Variants in PRKN observed in about 807,000 individuals in gnomAD.
PRKN encodes the protein parkin RBR E3 ubiquitin protein ligase, also known as E3 ubiquitin-protein ligase parkin.
Under a neutral mutation model 59.5 loss-of-function variants are expected in PRKN, and 56 were observed. The ratio of observed to expected loss-of-function variants is 0.94; its 90% CI spans 0.76 to 1.18. PRKN has a LOEUF of 1.18. Ranked by LOEUF, PRKN falls within the 50% of genes most tolerant of loss-of-function variation. PRKN has a pLI of 0.00. For missense variants in PRKN, 657 were observed against 596.4 expected (o/e 1.10, Z -1.06); for synonymous variants, 250 against 222.1 (o/e 1.13, Z -1.12).
chr6:161,536,543 A>T (rs542769991), intron 9 of PRKN, among the ~76,000 whole-genome samples: 11 of 152,292 alleles, frequency 7.2e-5, no homozygotes, highest in African/African-American at 2.6e-4. Context: ...ATGACCTGAT[A>T]GAAACTTACC....
At chr6:161,565,040 C>T (rs1780588796) in intron 8 of PRKN, among the ~76,000 whole-genome samples, 1 of 152,118 alleles carries the variant, frequency 6.6e-6, no homozygotes, top group South Asian at 2.1e-4. Context: ...CATCTGTAAC[C>T]AACTTTCCCT....
intron 5 of PRKN, among the ~76,000 whole-genome samples, chr6:162,002,094 T>A (rs1188927424): frequency 1.3e-5 from 2 of 152,070 alleles, no homozygotes; most frequent in Non-Finnish European, 2.9e-5. Flanking sequence ...TCTATACGCA[T>A]GCAAGATCTT....
At chr6:161,571,572 A>T (rs1780891399) in intron 7 of PRKN, among the ~76,000 whole-genome samples, 1 of 152,228 alleles carries the variant, frequency 6.6e-6, no homozygotes, top group Non-Finnish European at 1.5e-5. Context: ...AAGAAAATGG[A>T]ATAAACTGCC....
chr6:161,955,506 T>A (rs567093536), intron 6 of PRKN, among the ~76,000 whole-genome samples: 1 of 152,312 alleles, frequency 6.6e-6, no homozygotes, highest in Admixed American at 6.5e-5. Flanking sequence ...ATTATTGTTT[T>A]CATAGGAAAA....
Position 161,549,041 on chromosome 6 carries a change from AC to A in PRKN, c.934-39del. The A allele has an allele frequency of 6.2e-7, 1 of 1,613,504 alleles. No individual in the cohort carries two copies. The highest frequency in any genetic ancestry group is 8.5e-7 in the Non-Finnish European group (1 of 1,179,390). On this transcript the variant is annotated intron_variant, in intron 8 of 11. Coordinates refer to ENST00000366898, the MANE Select transcript of PRKN (RefSeq NM_004562.3). This position sits in a 1 kb window ranked among gnomAD's most constrained non-coding sequence, Gnocchi z 6.0. Reference sequence around the variant, plus strand: ...AAAAGCAGATTGAGCTTTCAAACTGACTGCAAATTTCAGCCAAAGGGTTAGG... The same window carrying A: ...AAAAGCAGATTGAGCTTTCAAACTGATGCAAATTTCAGCCAAAGGGTTAGG...
intron 9 of PRKN, among the ~76,000 whole-genome samples, chr6:161,478,197 G>C (rs1190474470): frequency 6.6e-6 from 1 of 152,132 alleles, no homozygotes; most frequent in Non-Finnish European, 1.5e-5. Context: ...CATAGTAGCA[G>C]CTACTCCTGA....
intron 2 of PRKN, among the ~76,000 whole-genome samples, chr6:162,434,838 A>G (rs1446514436): frequency 2.0e-5 from 3 of 152,206 alleles, no homozygotes; most frequent in African/African-American, 7.2e-5. Context: ...AGTTTCTCAT[A>G]TACAATCTTA....
At chr6:161,624,882 C>T (rs760675372) in intron 7 of PRKN, among the ~76,000 whole-genome samples, 4 of 152,116 alleles carry the variant, frequency 2.6e-5, no homozygotes, top group Admixed American at 2.0e-4. Flanking sequence ...CTGGAAGATA[C>T]GATAGTTGAA....
At chr6:161,951,526 T>C (rs575718367) in intron 6 of PRKN, among the ~76,000 whole-genome samples, 1 of 152,292 alleles carries the variant, frequency 6.6e-6, no homozygotes, top group Admixed American at 6.5e-5. Flanking sequence ...AGCAGCAAGC[T>C]TGTAATGTGG....
chr6:161,879,893 T>C (rs2128229240), intron 6 of PRKN, among the ~76,000 whole-genome samples: 1 of 152,266 alleles, frequency 6.6e-6, no homozygotes, highest in Non-Finnish European at 1.5e-5. Flanking sequence ...GGACATCCAC[T>C]TAGCAACAGC....
Position 162,021,118 on chromosome 6 carries a change from ACATATATATATATATATAT to A in PRKN, c.618+32954_618+32972del, listed in dbSNP as rs1389761947. ...ACTCTGTCTCAAAAAAAAAACAAAAACATATATATATATATATATATATATATATATATATATATATATA... is the reference window on the plus strand; with the variant it reads ...ACTCTGTCTCAAAAAAAAAACAAAAAATATATATATATATATATATATATA... On this transcript the variant is annotated intron_variant, in intron 5 of 11. Transcript: ENST00000366898. Among the ~76,000 whole-genome samples the A allele has an allele frequency of 2.5e-3, 79 of 32,148 alleles. 6 individuals carry two copies. The highest frequency in any genetic ancestry group is 9.6e-3 in the Admixed American group (15 of 1,568). 21.1% of individuals were successfully genotyped at this position (32,148 alleles called of 152,430 possible).
chr6:161,774,234 G>A (rs1435655526), intron 7 of PRKN, among the ~76,000 whole-genome samples: 4 of 152,090 alleles, frequency 2.6e-5, no homozygotes, highest in Non-Finnish European at 4.4e-5. Context: ...AGCAGGGAGA[G>A]GAAAGCTGAG....
At position 161,429,882 on chromosome 6, in the gene PRKN, C is replaced by A. The variant is rs1345183934; in HGVS notation, c.1084-43005G>T. ...AGGATCCAAGATTTTGCTTTCTTTGCAAGCTAACAAGTTAGTCTGCTCAGT... is the reference window on the plus strand; with the variant it reads ...AGGATCCAAGATTTTGCTTTCTTTGAAAGCTAACAAGTTAGTCTGCTCAGT... On this transcript the variant is annotated intron_variant, in intron 9 of 11. Transcript: ENST00000366898. This position sits in a 1 kb window ranked among gnomAD's most constrained non-coding sequence, Gnocchi z 4.2. Among the ~76,000 whole-genome samples the A allele has an allele frequency of 4.6e-5, 7 of 152,146 alleles. No individual in the cohort carries two copies. The highest frequency in any genetic ancestry group is 1.4e-4 in the African/African-American group (6 of 41,412).
chr6:162,474,141 A>G (rs761913572), intron 1 of PRKN, among the ~76,000 whole-genome samples: 32 of 152,244 alleles, frequency 2.1e-4, no homozygotes, highest in Non-Finnish European at 3.2e-4. Context: ...ATTATCTGAG[A>G]GAACAAAGTA....
chr6:161,757,221 A>G (rs1788964040), intron 7 of PRKN, among the ~76,000 whole-genome samples: 1 of 152,220 alleles, frequency 6.6e-6, no homozygotes, highest in South Asian at 2.1e-4. Context: ...TAAAAGAACA[A>G]GCTGGCAAAT....
At chr6:161,682,318 G>A (rs932134909) in intron 7 of PRKN, among the ~76,000 whole-genome samples, 2 of 152,230 alleles carry the variant, frequency 1.3e-5, no homozygotes, top group Non-Finnish European at 2.9e-5. Context: ...AAAGAGAGCC[G>A]GGAATGCTGA....
intron 1 of PRKN, among the ~76,000 whole-genome samples, chr6:162,556,620 AC>A (rs1440873912): frequency 1.3e-5 from 2 of 151,150 alleles, no homozygotes; most frequent in Non-Finnish European, 2.9e-5. Flanking sequence ...AGTGGCGTGC[AC>A]CTGTAGTCCC....
rs1784779433 is a variant in PRKN, at chr6:161,356,879, G to A, written c.1285+3209C>T. On this transcript the variant is annotated intron_variant, in intron 11 of 11. Transcript: ENST00000366898. This position sits in a 1 kb window ranked among gnomAD's most constrained non-coding sequence, Gnocchi z 7.8. Reference sequence around the variant, plus strand: ...AGATGAGGGTGGGGTGTAGATTTGGGAGCCATCAGTATGTGGATAGTATTT... The same window carrying A: ...AGATGAGGGTGGGGTGTAGATTTGGAAGCCATCAGTATGTGGATAGTATTT... 6.6e-6 allele frequency among the ~76,000 whole-genome samples: 1 copy of A among 151,998 alleles called. No homozygotes were observed. The highest frequency in any genetic ancestry group is 1.5e-5 in the Non-Finnish European group (1 of 68,008).
In PRKN at chr6:161,463,046, T is replaced by A. The variant is rs536222922; in HGVS notation, c.1084-76169A>T. Among the ~76,000 whole-genome samples, 6 of 152,308 alleles carry A rather than the reference T, an allele frequency of 3.9e-5. No homozygotes were observed. The highest frequency in any genetic ancestry group is 1.4e-4 in the African/African-American group (6 of 41,568). ...TCAGAGAGATAAATACTTACATAAATACTAAATAGAGAAAAAACTACCTAA... is the reference window on the plus strand; with the variant it reads ...TCAGAGAGATAAATACTTACATAAAAACTAAATAGAGAAAAAACTACCTAA... On this transcript the variant is annotated intron_variant, in intron 9 of 11. Transcript: ENST00000366898. The surrounding 1 kb of genome is among the most constrained non-coding windows in gnomAD (Gnocchi z 4.8).
Sources: gnomAD v4.1 joint callset for allele counts (sites outside exome capture counted in the v4.1 genomes callset) on GRCh38, gnomAD v4.1.1 for gene constraint, Gnocchi (gnomAD v3.1) non-coding constraint, MANE v1.5 for transcripts, NCBI Gene and HGNC (gene_info 2026-07-23, HGNC 2026-07-21) for gene names.